WDR37: variants seen among roughly 807,000 people sequenced by gnomAD.
WDR37 encodes the protein WD repeat domain 37, also known as WD repeat-containing protein 37.
In WDR37, 19 loss-of-function variants were observed where a neutral mutation model predicts 62.9. The ratio of observed to expected loss-of-function variants is 0.30; its 90% CI spans 0.21 to 0.44. The LOEUF is 0.44. Among genes scored for constraint, WDR37 ranks in the 20% least tolerant of loss-of-function variants. The probability of loss-of-function intolerance (pLI) is 1.00; values close to 1 mark genes in which losing one functional copy is unlikely to be tolerated. For synonymous variants in WDR37, 250 were observed against 260.9 expected (o/e 0.96, Z 0.40); for missense variants, 474 against 657.6 (o/e 0.72, Z 3.05).
chr10:1,094,192 C>T (rs911003835), intron 8 of WDR37, among the ~76,000 whole-genome samples: 3 of 152,230 alleles, frequency 2.0e-5, no homozygotes, highest in Non-Finnish European at 4.4e-5. Flanking sequence ...GCGGGACATT[C>T]AGGCTCTGTC....
At chr10:1,128,922 G>A (rs911252617) in intron 13 of WDR37, among the ~76,000 whole-genome samples, 2 of 150,880 alleles carry the variant, frequency 1.3e-5, no homozygotes, top group Non-Finnish European at 3.0e-5. Flanking sequence ...CATGCTCTAT[G>A]GTCCATGGGG....
At chr10:1,083,487 G>T (rs758459877) in intron 5 of WDR37, among the ~76,000 whole-genome samples, 19 of 152,198 alleles carry the variant, frequency 1.2e-4, no homozygotes, top group Non-Finnish European at 4.4e-5. Context: ...GTTGTGTAAT[G>T]CCACTGATTT....
intron 7 of WDR37, among the ~76,000 whole-genome samples, chr10:1,092,872 C>CA (rs56220560): frequency 0.029 from 1,210 of 41,924 alleles, 109 homozygotes; most frequent in South Asian, 0.05. Flanking sequence ...CCCTATCTCA[C>CA]AAAAAAAAAA....
chr10:1,103,876 A>C lies in WDR37; in HGVS notation c.961+40A>C. 6.3e-7 allele frequency: 1 copy of C among 1,589,362 alleles called. No homozygotes were observed. The highest frequency in any genetic ancestry group is 8.6e-7 in the Non-Finnish European group (1 of 1,163,422). Reference sequence around the variant, plus strand: ...TGAGTCCGCCGCCTCCTGGCTGTGCATGTTAGTTTATGTCCATGGGTTATG... The same window carrying C: ...TGAGTCCGCCGCCTCCTGGCTGTGCCTGTTAGTTTATGTCCATGGGTTATG... On this transcript the variant is annotated intron_variant, in intron 10 of 13. Transcript: ENST00000263150. This position sits in a 1 kb window ranked among gnomAD's most constrained non-coding sequence, Gnocchi z 6.3.
Position 1,066,178 on chromosome 10 carries a change from C to T in WDR37, c.-40-5938C>T, listed in dbSNP as rs997893102. ...TCACCCAGGTTGGAGTGCAGTGGCG[C>T]GATCTTGGCTCACTGCAACCTCCGC... On this transcript the variant is annotated intron_variant, in intron 1 of 13. Coordinates refer to ENST00000263150, the MANE Select transcript of WDR37 (RefSeq NM_014023.4). 7.2e-5 allele frequency among the ~76,000 whole-genome samples: 11 copies of T among 152,018 alleles called. 1 individual carries two copies. Among genetic ancestry groups the T allele is most frequent in the Middle Eastern group, 6.3e-3 (2 of 316 alleles).
chr10:1,088,986 C>T (rs1834294160), intron 7 of WDR37, among the ~76,000 whole-genome samples: 1 of 152,304 alleles, frequency 6.6e-6, no homozygotes, highest in South Asian at 2.1e-4. Context: ...GAGTGGACGG[C>T]AAGCCTTGAT....
In WDR37 at chr10:1,131,526, ACTC is replaced by A. The variant is rs1312007463; in HGVS notation, c.*2185_*2187del. ...AAACTGGAGGGACCTCAGAAACTGG[ACTC>A]CTGCATGTCCTTGGGGGCGCAGCCC... On this transcript the variant is annotated 3_prime_UTR_variant, in exon 14 of 14. Coordinates refer to ENST00000263150, the MANE Select transcript of WDR37 (RefSeq NM_014023.4). The A allele has an allele frequency of 6.6e-6, 1 of 151,988 alleles. No homozygotes were observed. The highest frequency in any genetic ancestry group is 1.5e-5 in the Non-Finnish European group (1 of 68,040). 9.4% of individuals were successfully genotyped at this position (151,988 alleles called of 1,614,324 possible).
At chr10:1,073,937 C>T (rs950430308) in intron 2 of WDR37, among the ~76,000 whole-genome samples, 7 of 152,172 alleles carry the variant, frequency 4.6e-5, no homozygotes, top group African/African-American at 1.2e-4. Flanking sequence ...CTGTGGACCC[C>T]GTTCAACACA....
chr10:1,057,755 A>G (rs1833237573), intron 1 of WDR37, among the ~76,000 whole-genome samples: 1 of 152,212 alleles, frequency 6.6e-6, no homozygotes, highest in Non-Finnish European at 1.5e-5. Context: ...TTTGTCATTT[A>G]ACTTAAACGC....
chr10:1,124,850 A>T, intron 12 of WDR37, 60 bp from the exon 13 acceptor site: 1 of 1,587,628 alleles, frequency 6.3e-7, no homozygotes. Context: ...TTATCTGTCA[A>T]CTCAAAAACT....
chr10:1,128,673 C>G (rs1224331269), intron 13 of WDR37, among the ~76,000 whole-genome samples: 1 of 152,234 alleles, frequency 6.6e-6, no homozygotes, highest in African/African-American at 2.4e-5. Context: ...TTTTGTCTGA[C>G]TGTAATCTTA....
At chr10:1,096,816 G>C (rs1834597296) in intron 9 of WDR37, among the ~76,000 whole-genome samples, 1 of 152,212 alleles carries the variant, frequency 6.6e-6, no homozygotes, top group Admixed American at 6.5e-5. Context: ...GCGGCGAAGA[G>C]CTTGTTGGTA....
At chr10:1,078,061 A>G in intron 3 of WDR37, 58 bp downstream of exon 3, 4 of 1,305,746 alleles carry the variant, frequency 3.1e-6, no homozygotes, top group Non-Finnish European at 4.3e-6. Flanking sequence ...AGTCAAATTT[A>G]TGAATAGACA....
At chr10:1,080,134 C>T (rs1164720967) in intron 4 of WDR37, 28 bp downstream of exon 4, 1 of 1,610,830 alleles carries the variant, frequency 6.2e-7, no homozygotes, top group Non-Finnish European at 8.5e-7. Context: ...AAAGTCTTGT[C>T]CTGCAGATTA....
Position 1,105,059 on chromosome 10 carries a change from G to A in WDR37, c.962-67G>A. The A allele has an allele frequency of 6.3e-7, 1 of 1,584,076 alleles. No individual in the cohort carries two copies. Among genetic ancestry groups the A allele is most frequent in the Non-Finnish European group, 8.6e-7 (1 of 1,158,290 alleles). On this transcript the variant is annotated intron_variant, in intron 10 of 13. Coordinates refer to ENST00000263150, the MANE Select transcript of WDR37 (RefSeq NM_014023.4). The surrounding 1 kb of genome is among the most constrained non-coding windows in gnomAD (Gnocchi z 5.3). ...AGACGGCTTCTTGGGTTCTTGTGCT[G>A]TTGAAAAGCGTCTCTCTCAGCGTGC... is the stretch of plus-strand genomic sequence containing the variant.
chr10:1,129,344 A>C lies in WDR37; in HGVS notation c.1485A>C (p.Ter495TyrextTer16), dbSNP rs201155888. The C allele has an allele frequency of 6.2e-7, 1 of 1,614,046 alleles. No homozygotes were observed. Among genetic ancestry groups the C allele is most frequent in the East Asian group, 2.2e-5 (1 of 44,866 alleles). The change falls in exon 14 of 14, where the codon TAA (stop) becomes TAC (tyrosine). Residue 495 changes from the stop codon to tyrosine (Y), a stop_lost. Transcript: ENST00000263150. ...INIPALLQEK* is the reference protein window; with the variant it reads ...INIPALLQEKY ...TCCCTGCATTGCTACAAGAAAAATA[A>C]GGACACCGGCAGCCCTTAGTTTCAC... is the stretch of plus-strand genomic sequence containing the variant.
In WDR37 at chr10:1,131,986, A is replaced by G. The variant is rs1015063211; in HGVS notation, c.*2642A>G. On this transcript the variant is annotated 3_prime_UTR_variant, in exon 14 of 14. Coordinates refer to ENST00000263150, the MANE Select transcript of WDR37 (RefSeq NM_014023.4). ...CATATTTTGGAATCTGAAGAATCCT[A>G]TGTAAATCATTTGTTACTTAAGTCT... 1.3e-5 allele frequency: 2 copies of G among 152,762 alleles called. No homozygotes were observed. Among genetic ancestry groups the G allele is most frequent in the African/African-American group, 2.4e-5 (1 of 41,582 alleles). The allele number at this position is 152,762 out of a possible 1,614,324, so 9.5% of individuals were successfully genotyped here.
At chr10:1,057,724 G>A (rs183065461) in intron 1 of WDR37, among the ~76,000 whole-genome samples, 12 of 152,270 alleles carry the variant, frequency 7.9e-5, no homozygotes, top group African/African-American at 2.9e-4. Context: ...ATAGCTTAAG[G>A]TCTGCCAGGT....
chr10:1,068,142 A>G (rs1833609996), intron 1 of WDR37, among the ~76,000 whole-genome samples: 2 of 152,134 alleles, frequency 1.3e-5, no homozygotes, highest in Admixed American at 6.5e-5. Flanking sequence ...GATAGAAGGA[A>G]TACATTCAGT....
Sources: gnomAD v4.1 joint callset for allele counts (sites outside exome capture counted in the v4.1 genomes callset) on GRCh38, gnomAD v4.1.1 for gene constraint, Gnocchi (gnomAD v3.1) non-coding constraint, MANE v1.5 for transcripts, NCBI Gene and HGNC (gene_info 2026-07-23, HGNC 2026-07-21) for gene names.